Variants in ANK1 observed in about 807,000 individuals in gnomAD.
ANK1 encodes the protein ankyrin-1.
In ANK1, 51 loss-of-function variants were observed where a neutral mutation model predicts 210.4. That is an observed-to-expected ratio of 0.24 (90% CI 0.19 to 0.31). The LOEUF is 0.31. ANK1 is among the 10% of genes least tolerant of loss of function. ANK1 has a pLI of 1.00. For synonymous variants in ANK1, 967 were observed against 1,025.9 expected (o/e 0.94, Z 1.10); for missense variants, 2,051 against 2,504.4 (o/e 0.82, Z 3.86).
At chr8:41,705,380 T>A (rs1329855650) in intron 18 of ANK1, among the ~76,000 whole-genome samples, 7 of 152,196 alleles carry the variant, frequency 4.6e-5, no homozygotes, top group African/African-American at 1.7e-4. Flanking sequence ...TCCAGAACAT[T>A]CGTGGATTTT....
rs765679968 is a variant in ANK1, at chr8:41,704,329, T to A, written c.2196+45A>T. ...GCTCTGGCTTTACCCTGATGTGGCA[T>A]GGAGAAGGGTCAGTGCAGGAGTCGG... On this transcript the variant is annotated intron_variant, in intron 19 of 42. Transcript: ENST00000289734. This position sits in a 1 kb window ranked among gnomAD's most constrained non-coding sequence, Gnocchi z 4.1. The A allele has an allele frequency of 3.8e-6, 6 of 1,565,216 alleles. No homozygotes were observed. The highest frequency in any genetic ancestry group is 5.3e-6 in the Non-Finnish European group (6 of 1,135,774).
intron 2 of ANK1, among the ~76,000 whole-genome samples, chr8:41,749,582 G>A (rs568127600): frequency 6.7e-6 from 1 of 149,530 alleles, no homozygotes; most frequent in Non-Finnish European, 1.5e-5. Flanking sequence ...ACAGGCATGA[G>A]CTACTGCGCC....
In ANK1 at chr8:41,746,855, T is replaced by C. The variant is rs547650670; in HGVS notation, c.129+11181A>G. Among the ~76,000 whole-genome samples the C allele has an allele frequency of 2.0e-4, 28 of 142,076 alleles. No homozygotes were observed. The South Asian group carries it at 6.3e-3, about 32-fold the overall frequency. The allele number at this position is 142,076 out of a possible 152,430, so 93.2% of individuals were successfully genotyped here. A position where few individuals can be genotyped will look rare whatever the true frequency, so the allele number is the denominator to read the frequency against. ...CTAGAAAGAGCATCTATGCCCGAGA[T>C]CTTGGTATTCTTTAAAAAAAAAAAA... is the stretch of plus-strand genomic sequence containing the variant. On this transcript the variant is annotated intron_variant, in intron 2 of 42. Coordinates refer to ENST00000289734, the MANE Select transcript of ANK1 (RefSeq NM_000037.4).
At chr8:41,788,176 GA>G in intron 1 of ANK1, among the ~76,000 whole-genome samples, 1 of 152,178 alleles carries the variant, frequency 6.6e-6, no homozygotes, top group Admixed American at 6.5e-5. Flanking sequence ...GCACAGTCTC[GA>G]TGACAGATTC....
chr8:41,698,697 G>A lies in ANK1; in HGVS notation c.2559-576C>T, dbSNP rs193063840. ...AAATGTGGTCCAGGCAGGCAGACCC[G>A]GATCTCCCCTGGCTTGTACCTAACA... On this transcript the variant is annotated intron_variant, in intron 23 of 42. Coordinates refer to ENST00000289734, the MANE Select transcript of ANK1 (RefSeq NM_000037.4). Among the ~76,000 whole-genome samples the A allele has an allele frequency of 4.6e-5, 7 of 152,268 alleles. 1 individual carries two copies. Among genetic ancestry groups the A allele is most frequent in the Non-Finnish European group, 7.4e-5 (5 of 68,022 alleles).
chr8:41,789,568 G>A (rs979020509), intron 1 of ANK1, among the ~76,000 whole-genome samples: 1 of 152,216 alleles, frequency 6.6e-6, no homozygotes, highest in African/African-American at 2.4e-5. Context: ...CCAGCCTCAA[G>A]GCCCTGTGTG....
chr8:41,715,553 T>A, intron 14 of ANK1, 99 bp downstream of exon 14: 1 of 1,448,358 alleles, frequency 6.9e-7, no homozygotes, highest in East Asian at 2.4e-5. Flanking sequence ...GCAGCATCAT[T>A]GAGGTGACAA....
At chr8:41,878,233 C>T (rs900740980) in intron 1 of ANK1, among the ~76,000 whole-genome samples, 4 of 152,182 alleles carry the variant, frequency 2.6e-5, no homozygotes, top group African/African-American at 7.2e-5. Context: ...GCTACCCTAC[C>T]GGGAAGACAG....
At chr8:41,828,384 T>G (rs1028088371) in intron 1 of ANK1, 1 of 154,438 alleles carries the variant, frequency 6.5e-6, no homozygotes, top group African/African-American at 2.4e-5. Flanking sequence ...ACTCTCATTT[T>G]CCACCTTCTC....
intron 17 of ANK1, among the ~76,000 whole-genome samples, chr8:41,707,143 G>A (rs1382125754): frequency 6.6e-6 from 1 of 152,214 alleles, no homozygotes; most frequent in African/African-American, 2.4e-5. Context: ...TCACTGCACA[G>A]CCAGTGCTGG....
intron 12 of ANK1, 93 bp from the exon 13 acceptor site, chr8:41,717,144 G>A: frequency 7.2e-7 from 1 of 1,387,168 alleles, no homozygotes. Flanking sequence ...GAGTGGCTTG[G>A]TGGGTTTTTG....
intron 1 of ANK1, among the ~76,000 whole-genome samples, chr8:41,835,582 G>A (rs954352601): frequency 9.2e-5 from 14 of 152,250 alleles, no homozygotes; most frequent in African/African-American, 3.4e-4. Flanking sequence ...GGTTTTGAGG[G>A]GGCGAGGGGA....
At chr8:41,849,658 T>C (rs1305633821) in intron 1 of ANK1, among the ~76,000 whole-genome samples, 1 of 152,178 alleles carries the variant, frequency 6.6e-6, no homozygotes, top group African/African-American at 2.4e-5. Context: ...GCAGGGAAGG[T>C]GCCCACCACA....
chr8:41,734,850 C>G (rs1405105945), intron 2 of ANK1, among the ~76,000 whole-genome samples: 7 of 152,036 alleles, frequency 4.6e-5, no homozygotes, highest in Non-Finnish European at 8.8e-5. Context: ...CTACAGTGAG[C>G]TGAGATCCTG....
chr8:41,683,768 C>T (rs145405652), intron 37 of ANK1, among the ~76,000 whole-genome samples: 30 of 152,246 alleles, frequency 2.0e-4, no homozygotes, highest in African/African-American at 6.7e-4. Context: ...AGTGGGGCCT[C>T]GCTGTTTATG....
chr8:41,701,991 G>C (rs1822955669), intron 21 of ANK1, 61 bp downstream of exon 21: 1 of 1,544,812 alleles, frequency 6.5e-7, no homozygotes, highest in African/African-American at 1.4e-5. Context: ...AGTAACCCCA[G>C]GCACGCCTGT....
intron 1 of ANK1, among the ~76,000 whole-genome samples, chr8:41,853,714 T>C (rs1811668193): frequency 6.6e-6 from 1 of 152,286 alleles, no homozygotes; most frequent in Admixed American, 6.5e-5. Context: ...AGACACAAGC[T>C]CACTTTCCCT....
chr8:41,735,781 G>A (rs2150675950), intron 2 of ANK1, among the ~76,000 whole-genome samples: 1 of 152,342 alleles, frequency 6.6e-6, no homozygotes, highest in Non-Finnish European at 1.5e-5. Context: ...GAGAATGGAA[G>A]GGGTCCAACG....
In ANK1 at chr8:41,731,226, C is replaced by T. The variant is rs552663709; in HGVS notation, c.228+2745G>A. The stretch of plus-strand genomic sequence containing the variant: ...TCTATTTTCTCTGCCCCTCCCTCAC[C>T]ATGAAAGAACATGGCCTCAAAGGAG... On this transcript the variant is annotated intron_variant, in intron 3 of 42. Transcript: ENST00000289734. Among the ~76,000 whole-genome samples, 9 of 152,302 alleles carry T rather than the reference C, an allele frequency of 5.9e-5. No homozygotes were observed. The South Asian group carries it at 1.2e-3, about 21-fold the overall frequency.
Sources: allele counts gnomAD v4.1 joint callset (sites outside exome capture counted in the v4.1 genomes callset), GRCh38; gene constraint gnomAD v4.1.1; non-coding constraint Gnocchi (gnomAD v3.1); transcripts MANE v1.5; gene names NCBI Gene and HGNC (gene_info 2026-07-23, HGNC 2026-07-21).